A2ML1: variants seen among roughly 807,000 people sequenced by gnomAD.
The protein encoded by A2ML1 is alpha-2-macroglobulin-like protein 1.
A neutral mutation model predicts 181.9 loss-of-function variants in A2ML1; 161 were observed. The observed-to-expected ratio is 0.89, with a 90% CI of 0.78 to 1.01. The LOEUF (loss-of-function observed/expected upper bound fraction) is 1.01, where lower values mean the gene tolerates loss of function less well. Ranked by LOEUF, A2ML1 falls within the 50% of genes least tolerant of loss-of-function variation. A2ML1 has a pLI of 0.00. For synonymous variants in A2ML1, 663 were observed against 666.8 expected, an observed-to-expected ratio of 0.99 and a Z score of 0.09; for missense variants, 1,670 against 1,768.1, an observed-to-expected ratio of 0.94 and a Z score of 1.00.
At chr12:8,844,857 T>G in intron 12 of A2ML1, 1 of 437,810 alleles carries the variant, frequency 2.3e-6, no homozygotes, top group Non-Finnish European at 3.4e-6. Flanking sequence ...TGGCTAATGC[T>G]GGGCAGGCGT....
At chr12:8,874,877 C>T (rs186220491) in intron 34 of A2ML1, 94 bp from the exon 35 acceptor site, 1 of 1,215,844 alleles carries the variant, frequency 8.2e-7, no homozygotes, top group East Asian at 2.3e-5. Flanking sequence ...TAGAGATTCT[C>T]TGGAAGGGGC....
At chr12:8,881,747 C>A (rs1296738021), downstream of A2ML1, among the ~76,000 whole-genome samples, 1 of 152,072 alleles carries the variant, frequency 6.6e-6, no homozygotes, top group African/African-American at 2.4e-5. Context: ...TGTGGTGGCT[C>A]ACACCTGTAA....
chr12:8,839,557 A>G (rs1943398735), intron 10 of A2ML1, among the ~76,000 whole-genome samples: 1 of 152,078 alleles, frequency 6.6e-6, no homozygotes, highest in Non-Finnish European at 1.5e-5. Flanking sequence ...TTGAATATTA[A>G]TGACACCTTA....
At chr12:8,883,485 C>CTT (rs373396422) in intron 7 of A2ML1, among the ~76,000 whole-genome samples, 74 of 151,376 alleles carry the variant, frequency 4.9e-4, no homozygotes, top group African/African-American at 1.7e-3. Context: ...CTCTCTCTCT[C>CTT]TTTTTTTTTG....
rs760545562 is a variant in A2ML1 at position 8,857,229 on chromosome 12, G to A, written c.2914G>A (p.Glu972Lys). Residue 972 changes from glutamate (E) to lysine (K), a missense_variant, in exon 24 of 36, where the codon GAG (glutamate) becomes AAG (lysine). Glu to Lys is a moderately conservative substitution (Grantham distance 56, BLOSUM62 1). Coordinates refer to ENST00000299698, the MANE Select transcript of A2ML1 (RefSeq NM_144670.6). ...GGTGCAGATGCCCAGTGGCTGTGGCGAGCAGAACATGGTCTTGTTTGCTCC... is the reference window on the plus strand; with the variant it reads ...GGTGCAGATGCCCAGTGGCTGTGGCAAGCAGAACATGGTCTTGTTTGCTCC... Reference protein sequence around the residue: ...GLVQMPSGCGEQNMVLFAPII... With the variant: ...GLVQMPSGCGKQNMVLFAPII... The A allele has an allele frequency of 2.4e-5, 39 of 1,613,058 alleles. No homozygotes were observed. Among genetic ancestry groups the A allele is most frequent in the African/African-American group, 6.7e-5 (5 of 74,880 alleles).
At chr12:8,854,284 C>A (rs1394521577) in intron 21 of A2ML1, 35 bp downstream of exon 21, 2 of 1,557,652 alleles carry the variant, frequency 1.3e-6, no homozygotes, top group South Asian at 2.5e-5. Flanking sequence ...CAGCAACCAA[C>A]CGAGGGATGC....
chr12:8,844,900 G>A lies in A2ML1; in HGVS notation c.1477-542G>A, dbSNP rs773673278. 8 of 980,224 alleles carry A rather than the reference G, an allele frequency of 8.2e-6. No homozygotes were observed. The African/African-American group carries it at 1.0e-4, about 12-fold the overall frequency. 60.7% of individuals were successfully genotyped at this position (980,224 alleles called of 1,614,324 possible). A position where few individuals can be genotyped will look rare whatever the true frequency, so the allele number is the denominator to read the frequency against. On this transcript the variant is annotated intron_variant, in intron 12 of 35. Transcript: ENST00000299698. Reference sequence around the variant, plus strand: ...ACCGACCTTGGAGCCCTGCAGGAGCGTGGGATGAGAGCCTGCTTGCAAACA... The same window carrying A: ...ACCGACCTTGGAGCCCTGCAGGAGCATGGGATGAGAGCCTGCTTGCAAACA...
intron 32 of A2ML1, 124 bp downstream of exon 32, chr12:8,868,751 T>C: frequency 8.6e-6 from 6 of 695,180 alleles, no homozygotes; most frequent in Non-Finnish European, 1.2e-5. Context: ...TGTATATACA[T>C]ACATATATAT....
Position 8,846,045 on chromosome 12 carries a change from G to C in A2ML1, c.1538-32G>C, listed in dbSNP as rs1476904012. 1.9e-6 allele frequency: 3 copies of C among 1,612,102 alleles called. 1 individual carries two copies. Among genetic ancestry groups the C allele is most frequent in the South Asian group, 2.2e-5 (2 of 90,984 alleles). ...CCGTTGGCAGGTGAATGTGCATTCTGATTTTCCTGTATATTCCCTCTTCTC... is the reference window on the plus strand; with the variant it reads ...CCGTTGGCAGGTGAATGTGCATTCTCATTTTCCTGTATATTCCCTCTTCTC... On this transcript the variant is annotated intron_variant, in intron 13 of 35. Transcript: ENST00000299698.
chr12:8,830,502 G>A (rs986503488), intron 4 of A2ML1, among the ~76,000 whole-genome samples: 2 of 152,056 alleles, frequency 1.3e-5, no homozygotes, highest in Non-Finnish European at 2.9e-5. Context: ...TTCTCTTAGG[G>A]CAACATTAAA....
At chr12:8,843,085 C>T (rs767629782) in intron 11 of A2ML1, 49 bp from the exon 12 acceptor site, 1 of 1,553,270 alleles carries the variant, frequency 6.4e-7, no homozygotes, top group East Asian at 2.2e-5. Context: ...CGTGGGGTTT[C>T]CATGGTTGGA....
chr12:8,846,360 A>C (rs1448521163), intron 14 of A2ML1, 138 bp downstream of exon 14: 10 of 1,029,156 alleles, frequency 9.7e-6, no homozygotes, highest in Non-Finnish European at 1.3e-5. Context: ...TTATATCTTT[A>C]GTGTTTGGGG....
intron 23 of A2ML1, 108 bp downstream of exon 23, chr12:8,855,700 C>T: frequency 9.8e-7 from 1 of 1,019,118 alleles, no homozygotes; most frequent in East Asian, 2.4e-5. Context: ...TAACTAATAA[C>T]AAGTGATGAA....
intron 28 of A2ML1, among the ~76,000 whole-genome samples, chr12:8,862,258 A>C (rs2136936677): frequency 6.6e-6 from 1 of 152,022 alleles, no homozygotes; most frequent in Middle Eastern, 3.4e-3. Flanking sequence ...GCTGGAGTGC[A>C]GTGGTGCAAT....
intron 25 of A2ML1, 112 bp downstream of exon 25, chr12:8,857,700 T>G (rs1308958854): frequency 1.6e-6 from 2 of 1,239,314 alleles, no homozygotes; most frequent in Non-Finnish European, 2.3e-6. Context: ...GCACTCAGTC[T>G]TCTACCTCTT....
chr12:8,834,699 T>C lies in A2ML1; in HGVS notation c.483+17T>C, dbSNP rs1365482717. 2 of 1,614,108 alleles carry C rather than the reference T, an allele frequency of 1.2e-6. No individual in the cohort carries two copies. Among genetic ancestry groups the C allele is most frequent in the Admixed American group, 1.7e-5 (1 of 60,010 alleles). The stretch of plus-strand genomic sequence containing the variant: ...GAACTACAGGTAAGCGGAAGTTTCT[T>C]TCTCTTCTCTGTCAGTTGTGGAAGA... On this transcript the variant is annotated intron_variant, in intron 5 of 35. Coordinates refer to ENST00000299698, the MANE Select transcript of A2ML1 (RefSeq NM_144670.6).
At chr12:8,863,165 G>A (rs1485746343) in intron 28 of A2ML1, among the ~76,000 whole-genome samples, 1 of 150,774 alleles carries the variant, frequency 6.6e-6, no homozygotes, top group Non-Finnish European at 1.5e-5. Context: ...GGAGTGCATT[G>A]GCGTGATCTC....
chr12:8,824,158 C>T (rs1942844251), intron 3 of A2ML1, among the ~76,000 whole-genome samples: 1 of 150,002 alleles, frequency 6.7e-6, no homozygotes, highest in African/African-American at 2.5e-5. Flanking sequence ...GTTGCTGGGC[C>T]TTACAACAAA....
At chr12:8,824,283 A>G (rs914532632) in intron 3 of A2ML1, among the ~76,000 whole-genome samples, 4 of 120,604 alleles carry the variant, frequency 3.3e-5, no homozygotes, top group African/African-American at 1.3e-4. Context: ...GGGGCACTTC[A>G]TTCTGAGATT....
Sources: allele counts gnomAD v4.1 joint callset (sites outside exome capture counted in the v4.1 genomes callset), GRCh38; gene constraint gnomAD v4.1.1; transcripts MANE v1.5; gene names NCBI Gene and HGNC (gene_info 2026-07-23, HGNC 2026-07-21).